The following KDM2B variants were observed in gnomAD, a reference collection of about 807,000 sequenced individuals.
The protein encoded by KDM2B is lysine-specific demethylase 2B.
In KDM2B, 26 loss-of-function variants were observed where a neutral mutation model predicts 150.0. That is an observed-to-expected ratio of 0.17 (90% CI 0.13 to 0.24). The LOEUF is 0.24. Ranked by LOEUF, KDM2B falls within the 10% of genes least tolerant of loss-of-function variation. KDM2B has a pLI of 1.00. For missense variants in KDM2B, 1,265 were observed against 1,816.9 expected, an observed-to-expected ratio of 0.70 and a Z score of 5.52; for synonymous variants, 734 against 729.5, an observed-to-expected ratio of 1.01 and a Z score of -0.10.
Position 121,443,163 on chromosome 12 carries a change from A to G in KDM2B, c.2566-133T>C, listed in dbSNP as rs1875472250. 3 of 814,684 alleles carry G rather than the reference A, an allele frequency of 3.7e-6. No individual in the cohort carries two copies. The South Asian group carries it at 4.8e-5, about 13-fold the overall frequency. The allele number at this position is 814,684 out of a possible 1,614,324, so 50.5% of individuals were successfully genotyped here. On this transcript the variant is annotated intron_variant, in intron 17 of 22. Transcript: ENST00000377071. ...GAGGGAGGCCTTCCCCACAAATGCCATCTCCACGTCTGACCGACAGACGGG... is the reference window on the plus strand; with the variant it reads ...GAGGGAGGCCTTCCCCACAAATGCCGTCTCCACGTCTGACCGACAGACGGG...
chr12:121,423,389 G>A, the KDM2B span: 2 of 1,602,468 alleles, frequency 1.2e-6, no homozygotes, highest in South Asian at 1.1e-5. This position sits in a 1 kb window ranked among gnomAD's most constrained non-coding sequence, Gnocchi z 4.3. Context: ...CTTTCAGATG[G>A]CGAGCGGCTG....
intron 13 of KDM2B, among the ~76,000 whole-genome samples, chr12:121,447,539 G>A (rs574025382): frequency 2.4e-4 from 36 of 152,062 alleles, no homozygotes; most frequent in African/African-American, 4.8e-4. Context: ...CACCGCACCC[G>A]GCAATTCCAA....
intron 11 of KDM2B, among the ~76,000 whole-genome samples, chr12:121,507,613 G>A (rs972243664): frequency 5.9e-5 from 9 of 152,186 alleles, no homozygotes; most frequent in Admixed American, 2.6e-4. Flanking sequence ...AGGTAGAGGC[G>A]AGGGATAGGA....
At chr12:121,508,121 C>G (rs1222663825) in intron 11 of KDM2B, among the ~76,000 whole-genome samples, 1 of 152,098 alleles carries the variant, frequency 6.6e-6, no homozygotes, top group African/African-American at 2.4e-5. Context: ...GGGTCTTGCT[C>G]TGTTGCCCAG....
Position 121,442,916 on chromosome 12 carries a change from G to A in KDM2B, c.2604+76C>T. The A allele has an allele frequency of 3.8e-6, 6 of 1,584,186 alleles. No individual in the cohort carries two copies. Among genetic ancestry groups the A allele is most frequent in the East Asian group, 2.3e-5 (1 of 44,230 alleles). On this transcript the variant is annotated intron_variant, in intron 18 of 22. Coordinates refer to ENST00000377071, the MANE Select transcript of KDM2B (RefSeq NM_032590.5). This position sits in a 1 kb window ranked among gnomAD's most constrained non-coding sequence, Gnocchi z 7.7. ...CAAGGCCTCCCGCCCCCCTGCCACG[G>A]GACTGTGGCCCAGGGAGCTGCGGTG...
chr12:121,549,621 C>A lies in KDM2B; in HGVS notation c.415G>T (p.Asp139Tyr). Reference sequence around the variant, plus strand: ...TTCTGGGTGTTCACATCCATCACGTCCACAAGCCGCCGGCTCCCTGGAGGC... The same window carrying A: ...TTCTGGGTGTTCACATCCATCACGTACACAAGCCGCCGGCTCCCTGGAGGC... ...KLLVGSRRLV[D>Y]VMDVNTQKGT... is the part of the protein sequence containing the mutation. The change falls in exon 5 of 23, where the codon GAC becomes TAC. Residue 139 changes from aspartate to tyrosine, a missense_variant. By Grantham distance (160) the Asp-to-Tyr change is radical (BLOSUM62 -3). Transcript: ENST00000377071. The surrounding 1 kb of genome is among the most constrained non-coding windows in gnomAD (Gnocchi z 4.4). 1 of 1,583,400 alleles carries A rather than the reference C, an allele frequency of 6.3e-7. No homozygotes were observed.
chr12:121,509,600 G>A lies in KDM2B; in HGVS notation c.1614C>T (p.Ile538=), dbSNP rs200296333. The A allele has an allele frequency of 3.0e-4, 479 of 1,613,436 alleles. 3 individuals are homozygous for A. The highest frequency in any genetic ancestry group is 1.6e-4 in the Middle Eastern group (1 of 6,062). ...CCTCCAGGAGTGCCTGGGGGTCCTC[G>A]ATGCCCTCGGGGACACACTTCTTGT... ...PENKKCVPEG[I]EDPQALLEGV... Residue 538 remains isoleucine (I), a synonymous_variant, in exon 11 of 23, where the codon ATC becomes ATT. Coordinates refer to ENST00000377071, the MANE Select transcript of KDM2B (RefSeq NM_032590.5).
chr12:121,440,725 G>T, intron 21 of KDM2B, 91 bp downstream of exon 21: 1 of 1,247,576 alleles, frequency 8.0e-7, no homozygotes, highest in Non-Finnish European at 1.1e-6. Flanking sequence ...TATGTCCTTT[G>T]GGGAACAGCT....
intron 12 of KDM2B, among the ~76,000 whole-genome samples, chr12:121,455,107 TC>T (rs1555292484): frequency 6.6e-6 from 1 of 152,064 alleles, no homozygotes; most frequent in African/African-American, 2.4e-5. Flanking sequence ...CGATTCACCT[TC>T]CCACAGCATT....
chr12:121,572,688 C>T (rs561378356), intron 4 of KDM2B, among the ~76,000 whole-genome samples: 7 of 152,250 alleles, frequency 4.6e-5, no homozygotes, highest in South Asian at 4.1e-4. Context: ...AGATAGGTCT[C>T]GCTCTGTTGC....
the KDM2B span, chr12:121,420,601 G>C: frequency 1.1e-5 from 18 of 1,614,076 alleles, no homozygotes; most frequent in Admixed American, 1.7e-4. Flanking sequence ...CAAGGAGAGA[G>C]TGAGAGCTTC....
Position 121,510,051 on chromosome 12 carries a change from G to A in KDM2B, c.1175-12C>T, listed in dbSNP as rs1156266410. Reference sequence around the variant, plus strand: ...CTTCCTCGGGGCATCTGTGGGGGCAGGGTCACAAGAAAGACCGAGATGACA... The same window carrying A: ...CTTCCTCGGGGCATCTGTGGGGGCAAGGTCACAAGAAAGACCGAGATGACA... On this transcript the variant is annotated splice_polypyrimidine_tract_variant and intron_variant, in intron 10 of 22. Coordinates refer to ENST00000377071, the MANE Select transcript of KDM2B (RefSeq NM_032590.5). The A allele has an allele frequency of 1.3e-6, 2 of 1,528,708 alleles. No individual in the cohort carries two copies. Among genetic ancestry groups the A allele is most frequent in the Non-Finnish European group, 8.8e-7 (1 of 1,142,624 alleles). 94.7% of individuals were successfully genotyped at this position (1,528,708 alleles called of 1,614,324 possible).
rs138890731 is a variant in KDM2B at position 121,560,161 on chromosome 12, A to G, written c.398-10523T>C. ...GTTGGGACTATGGGCATGAGTCACC[A>G]TGCCTGGCTTTATTTTCTTTTGTAG... On this transcript the variant is annotated intron_variant, in intron 4 of 22. Transcript: ENST00000377071. 8.5e-3 allele frequency among the ~76,000 whole-genome samples: 1,290 copies of G among 151,852 alleles called. 7 individuals carry two copies. Among genetic ancestry groups the G allele is most frequent in the Non-Finnish European group, 0.014 (972 of 67,944 alleles).
intron 6 of KDM2B, among the ~76,000 whole-genome samples, chr12:121,545,129 G>T (rs1366073335): frequency 1.2e-4 from 18 of 152,100 alleles, no homozygotes; most frequent in Admixed American, 1.0e-3. Context: ...AAATTCTACA[G>T]AACTGTTCTA....
intron 11 of KDM2B, among the ~76,000 whole-genome samples, chr12:121,501,620 T>TTTTG (rs1382252730): frequency 6.6e-6 from 1 of 151,932 alleles, no homozygotes; most frequent in Admixed American, 6.6e-5. Context: ...TGTTGTTGTT[T>TTTTG]TTTGTTTGTT....
Position 121,575,822 on chromosome 12 carries a change from C to T in KDM2B, c.309G>A (p.Arg103=). ...NYEYVQREAL[R]VPLIFREKDG... ...CCTTTTCTCGAAATATCAGGGGAAC[C>T]CTGAGAGCTTCTCTCTGTACGTACT... Residue 103 remains arginine, a synonymous_variant, in exon 3 of 23, where the codon AGG becomes AGA. Transcript: ENST00000377071. The surrounding 1 kb of genome is among the most constrained non-coding windows in gnomAD (Gnocchi z 4.4). 6.2e-7 allele frequency: 1 copy of T among 1,613,620 alleles called. No individual in the cohort carries two copies. Among genetic ancestry groups the T allele is most frequent in the Non-Finnish European group, 8.5e-7 (1 of 1,179,554 alleles).
chr12:121,565,370 G>A (rs1890626663), intron 4 of KDM2B, among the ~76,000 whole-genome samples: 1 of 150,920 alleles, frequency 6.6e-6, no homozygotes, highest in Non-Finnish European at 1.5e-5. Flanking sequence ...AGGCTGGAAT[G>A]CAATGGCACG....
chr12:121,456,710 G>C (rs1230123610), intron 12 of KDM2B, among the ~76,000 whole-genome samples: 1 of 152,220 alleles, frequency 6.6e-6, no homozygotes, highest in Non-Finnish European at 1.5e-5. Context: ...GAGTCTCGAA[G>C]CTCCTATGTC....
Position 121,579,767 on chromosome 12 carries a change from C to A in KDM2B, c.127-821G>T, listed in dbSNP as rs1336936200. On this transcript the variant is annotated intron_variant, in intron 1 of 22. Coordinates refer to ENST00000377071, the MANE Select transcript of KDM2B (RefSeq NM_032590.5). ...CCGGGCGAACCCCGAGCCCGCTCAG[C>A]CCCCCTCCACGCCTTTCCCCGATAC... is the stretch of plus-strand genomic sequence containing the variant. 2.9e-6 allele frequency: 4 copies of A among 1,381,858 alleles called. No individual in the cohort carries two copies. The East Asian group carries it at 7.8e-5, about 27-fold the overall frequency. 85.6% of individuals were successfully genotyped at this position (1,381,858 alleles called of 1,614,324 possible).
Sources: gnomAD v4.1 joint callset for allele counts (sites outside exome capture counted in the v4.1 genomes callset) on GRCh38, gnomAD v4.1.1 for gene constraint, Gnocchi (gnomAD v3.1) non-coding constraint, MANE v1.5 for transcripts, NCBI Gene and HGNC (gene_info 2026-07-23, HGNC 2026-07-21) for gene names.